The following TRHDE variants were observed in gnomAD, a reference collection of about 807,000 sequenced individuals.
TRHDE encodes thyrotropin releasing hormone degrading enzyme, also known as thyrotropin-releasing hormone-degrading ectoenzyme.
In TRHDE, 72 loss-of-function variants were observed where a neutral mutation model predicts 125.7. That is an observed-to-expected ratio of 0.57 (90% CI 0.47 to 0.70). The LOEUF is 0.70. Ranked by LOEUF, TRHDE falls within the 30% of genes least tolerant of loss-of-function variation. TRHDE has a pLI of 0.00. For synonymous variants in TRHDE, 509 were observed against 509.1 expected (o/e 1.00, Z 0.00); for missense variants, 1,110 against 1,327.1 (o/e 0.84, Z 2.54).
intron 2 of TRHDE, among the ~76,000 whole-genome samples, chr12:72,126,490 T>C (rs756534625): frequency 1.3e-5 from 2 of 152,122 alleles, no homozygotes; most frequent in Non-Finnish European, 2.9e-5. Context: ...AGGGTGATAC[T>C]GGTCCAAAAA....
chr12:72,601,956 G>T (rs1238986391), intron 12 of TRHDE, among the ~76,000 whole-genome samples: 3 of 152,094 alleles, frequency 2.0e-5, no homozygotes, highest in Non-Finnish European at 4.4e-5. Flanking sequence ...AGGTAATTGG[G>T]TACATGAAGT....
chr12:72,421,667 T>C (rs1873961430), intron 3 of TRHDE, among the ~76,000 whole-genome samples: 1 of 152,208 alleles, frequency 6.6e-6, no homozygotes, highest in Non-Finnish European at 1.5e-5. Context: ...TGGGAGACAT[T>C]GCTGTGGGAA....
intron 17 of TRHDE, among the ~76,000 whole-genome samples, chr12:72,656,364 A>G (rs1874709250): frequency 6.6e-6 from 1 of 152,102 alleles, no homozygotes; most frequent in Non-Finnish European, 1.5e-5. Flanking sequence ...ATAAAAATGC[A>G]TTTTTGAGAA....
intron 2 of TRHDE, among the ~76,000 whole-genome samples, chr12:72,134,950 G>A (rs1339265802): frequency 6.6e-6 from 1 of 152,096 alleles, no homozygotes; most frequent in Non-Finnish European, 1.5e-5. Context: ...TATGTCATTT[G>A]ACGCTAGACT....
chr12:72,286,795 T>G lies in TRHDE; in HGVS notation c.1029T>G (p.Tyr343Ter). 1 of 1,613,908 alleles carries G rather than the reference T, an allele frequency of 6.2e-7. No homozygotes were observed. The highest frequency in any genetic ancestry group is 8.5e-7 in the Non-Finnish European group (1 of 1,179,982). ...TCAGCATCAAGCATCAAGCAACCTA[T>G]TTATCTTTATCTAATATGCCAGTGG... ...FKISIKHQAT[Y>*]LSLSNMPVET... The change falls in exon 2 of 19, where the codon TAT becomes TAG. Residue 343 changes from tyrosine to a stop codon, truncating the protein, a stop_gained. Transcript: ENST00000261180. LOFTEE classifies it high-confidence loss of function.
chr12:72,340,383 A>G (rs1349307006), intron 2 of TRHDE, among the ~76,000 whole-genome samples: 3 of 152,180 alleles, frequency 2.0e-5, no homozygotes, highest in African/African-American at 4.8e-5. Context: ...ATTTCTGTCT[A>G]GCACACATTT....
rs894036164 is a variant in TRHDE at position 72,663,172 on chromosome 12, T to C, written c.3187T>C (p.Leu1063=). 4 of 1,612,290 alleles carry C rather than the reference T, an allele frequency of 2.5e-6. No homozygotes were observed. The African/African-American group carries it at 5.3e-5, about 22-fold the overall frequency. ...TTACCAAGACGAGCTTTTCCAATGG[T>C]TAGGAAAAGCTCTAAGACACTAATA... ...MLYQDELFQW[L]GKALRH is the part of the protein sequence containing the mutation. Residue 1063 remains leucine, a synonymous_variant, in exon 19 of 19, where the codon TTA becomes CTA. Coordinates refer to ENST00000261180, the MANE Select transcript of TRHDE (RefSeq NM_013381.3).
intron 2 of TRHDE, among the ~76,000 whole-genome samples, chr12:72,185,180 A>T (rs893509146): frequency 2.0e-5 from 3 of 152,210 alleles, no homozygotes; most frequent in Non-Finnish European, 4.4e-5. Context: ...TGAGGGACTT[A>T]GCACCCGGGC....
At chr12:72,553,743 C>A (rs896978512) in intron 7 of TRHDE, among the ~76,000 whole-genome samples, 2 of 151,842 alleles carry the variant, frequency 1.3e-5, no homozygotes, top group African/African-American at 2.4e-5. Flanking sequence ...ACACCCCCCA[C>A]CCCACCCAGG....
intron 10 of TRHDE, among the ~76,000 whole-genome samples, chr12:72,571,136 A>G (rs547331953): frequency 2.0e-5 from 3 of 152,268 alleles, no homozygotes; most frequent in African/African-American, 7.2e-5. Flanking sequence ...TAAAAATTTA[A>G]CAGCAAACAA....
At chr12:72,258,787 A>T (rs939458883) in intron 2 of TRHDE, among the ~76,000 whole-genome samples, 1 of 152,136 alleles carries the variant, frequency 6.6e-6, no homozygotes, top group Non-Finnish European at 1.5e-5. Context: ...CATGGCCTTG[A>T]CATTTTCCAA....
chr12:72,324,849 C>T (rs1592545229), intron 2 of TRHDE, among the ~76,000 whole-genome samples: 1 of 152,088 alleles, frequency 6.6e-6, no homozygotes, highest in South Asian at 2.1e-4. Context: ...TTATAGAACT[C>T]CTTAATGGAT....
chr12:72,321,051 AATC>A (rs146673867), intron 2 of TRHDE, among the ~76,000 whole-genome samples: 160 of 152,318 alleles, frequency 1.1e-3, no homozygotes, highest in African/African-American at 3.6e-3. Context: ...GTAGAAAAGG[AATC>A]ATCAACTCGA....
intron 18 of TRHDE, 52 bp downstream of exon 18, chr12:72,657,060 T>G: frequency 8.4e-7 from 1 of 1,183,730 alleles, no homozygotes; most frequent in Non-Finnish European, 1.2e-6. Context: ...ACATTTGAAA[T>G]TATGCATTTA....
At chr12:72,245,192 T>C (rs539767095) in intron 2 of TRHDE, among the ~76,000 whole-genome samples, 1 of 152,078 alleles carries the variant, frequency 6.6e-6, no homozygotes, top group South Asian at 2.1e-4. Flanking sequence ...ACCATACCCA[T>C]GGTTTAGAAA....
intron 9 of TRHDE, among the ~76,000 whole-genome samples, chr12:72,566,622 G>GTTTA (rs10665234): frequency 1 from 151,635 of 151,934 alleles, 75,669 homozygotes; most frequent in Middle Eastern, 1. Flanking sequence ...TGGAAATTAT[G>GTTTA]TTTATATTAG....
intron 7 of TRHDE, among the ~76,000 whole-genome samples, chr12:72,548,854 G>A (rs1869543775): frequency 6.6e-6 from 1 of 151,658 alleles, no homozygotes. Flanking sequence ...GTCAACACCA[G>A]GGTATTGAAA....
intron 2 of TRHDE, among the ~76,000 whole-genome samples, chr12:72,146,300 G>T (rs116763120): frequency 0.034 from 5,104 of 152,266 alleles, 140 homozygotes; most frequent in African/African-American, 0.08. Context: ...TAAGCTTGCA[G>T]AAACTCTCTT....
At chr12:72,104,513 T>C (rs1466116757) in intron 1 of TRHDE, among the ~76,000 whole-genome samples, 2 of 152,186 alleles carry the variant, frequency 1.3e-5, no homozygotes. Flanking sequence ...AAAATTCTGA[T>C]TACAGTTTTA....
Sources: allele counts gnomAD v4.1 joint callset (sites outside exome capture counted in the v4.1 genomes callset), GRCh38; gene constraint gnomAD v4.1.1; transcripts MANE v1.5; gene names NCBI Gene and HGNC (gene_info 2026-07-23, HGNC 2026-07-21).